The following DENND4C variants were observed in gnomAD, a reference collection of about 807,000 sequenced individuals.
The protein encoded by DENND4C is DENN domain-containing protein 4C.
DENND4C carries 108 observed loss-of-function variants against 203.0 expected under a neutral mutation model. The ratio of observed to expected loss-of-function variants is 0.53; its 90% CI spans 0.46 to 0.62. The LOEUF (loss-of-function observed/expected upper bound fraction) is 0.62, where lower values mean the gene tolerates loss of function less well. Ranked by LOEUF, DENND4C falls within the 20% of genes least tolerant of loss-of-function variation. DENND4C has a pLI of 0.00. For synonymous variants in DENND4C, 871 were observed against 792.4 expected (o/e 1.10, Z -1.67); for missense variants, 2,481 against 2,301.2 (o/e 1.08, Z -1.60).
chr9:19,282,783 T>C (rs1188879849), intron 2 of DENND4C, among the ~76,000 whole-genome samples: 4 of 147,904 alleles, frequency 2.7e-5, no homozygotes, highest in Non-Finnish European at 6.0e-5. Context: ...GTGGTATGAT[T>C]GGGGCTCACT....
Position 19,276,387 on chromosome 9 carries a change from C to T in DENND4C, c.213C>T (p.Leu71=). ...GTGTAGAAGCCACTCCATCAGCTCT[C>T]CAAGCAAACTTGAACTATGGAAGTC... ...YTCVEATPSA[L]QANLNYGSLK... is the part of the protein sequence containing the mutation. Residue 71 remains leucine, a synonymous_variant, in exon 2 of 33, where the codon CTC becomes CTT. Transcript: ENST00000434457. The T allele has an allele frequency of 8.1e-7, 1 of 1,232,076 alleles. No homozygotes were observed. Among genetic ancestry groups the T allele is most frequent in the Non-Finnish European group, 1.0e-6 (1 of 987,922 alleles). The allele number at this position is 1,232,076 out of a possible 1,614,324, so 76.3% of individuals were successfully genotyped here.
chr9:19,361,230 C>G (rs1228641753), intron 29 of DENND4C, among the ~76,000 whole-genome samples: 1 of 152,068 alleles, frequency 6.6e-6, no homozygotes, highest in African/African-American at 2.4e-5. Flanking sequence ...TTGAAAGGAC[C>G]CATATTATCC....
chr9:19,283,567 G>T (rs1156439177), intron 2 of DENND4C, among the ~76,000 whole-genome samples: 2 of 150,916 alleles, frequency 1.3e-5, no homozygotes, highest in African/African-American at 4.9e-5. Flanking sequence ...TTTAAACAGG[G>T]CAGTATGTTA....
intron 1 of DENND4C, among the ~76,000 whole-genome samples, chr9:19,237,262 G>A (rs558083982): frequency 1.2e-4 from 18 of 151,932 alleles, no homozygotes; most frequent in Non-Finnish European, 2.1e-4. Flanking sequence ...CAGGTGATCC[G>A]CCCACCTTGG....
intron 29 of DENND4C, among the ~76,000 whole-genome samples, chr9:19,361,414 C>T (rs1353449050): frequency 6.6e-6 from 1 of 152,112 alleles, no homozygotes; most frequent in African/African-American, 2.4e-5. Context: ...TCCTAGAGTG[C>T]TTTATTTTAT....
At chr9:19,340,895 G>T in intron 20 of DENND4C, 97 bp from the exon 21 acceptor site, 1 of 1,104,396 alleles carries the variant, frequency 9.1e-7, no homozygotes, top group Non-Finnish European at 1.2e-6. Context: ...TTGTCTAACC[G>T]TAATTGTGTA....
chr9:19,262,278 GGGTTTCA>G (rs1212119112), intron 1 of DENND4C, among the ~76,000 whole-genome samples: 42 of 151,448 alleles, frequency 2.8e-4, no homozygotes, highest in Admixed American at 2.4e-3. Context: ...GTAGAGATGG[GGGTTTCA>G]CCATGTTGGC....
intron 10 of DENND4C, among the ~76,000 whole-genome samples, chr9:19,306,860 A>G (rs1839784512): frequency 6.6e-6 from 1 of 151,854 alleles, no homozygotes; most frequent in Non-Finnish European, 1.5e-5. Context: ...GACTCTCTGC[A>G]GTCTCCGCCT....
intron 1 of DENND4C, among the ~76,000 whole-genome samples, chr9:19,264,538 C>G (rs911924031): frequency 6.6e-6 from 1 of 151,840 alleles, no homozygotes; most frequent in African/African-American, 2.4e-5. Context: ...AACTCCTCAC[C>G]TCAAGTGATC....
intron 2 of DENND4C, among the ~76,000 whole-genome samples, chr9:19,279,672 T>C (rs1325497576): frequency 6.6e-6 from 1 of 150,390 alleles, no homozygotes; most frequent in Admixed American, 6.6e-5. Context: ...GTGAAACTCC[T>C]TCTCAAGACA....
intron 7 of DENND4C, among the ~76,000 whole-genome samples, chr9:19,298,536 A>G (rs1046091230): frequency 6.6e-6 from 1 of 152,146 alleles, no homozygotes; most frequent in Non-Finnish European, 1.5e-5. Context: ...TTTTATTTTC[A>G]GTAAGTAGCA....
intron 1 of DENND4C, among the ~76,000 whole-genome samples, chr9:19,253,273 G>C (rs550812183): frequency 6.6e-6 from 1 of 152,314 alleles, no homozygotes; most frequent in Admixed American, 6.5e-5. Flanking sequence ...ATGGTTCCTA[G>C]TAGTAGTGGC....
At position 19,319,194 on chromosome 9, in the gene DENND4C, C is replaced by G. The variant is rs1227567952; in HGVS notation, c.1807+2355C>G. ...AAAAAAATATATGTATATATATACA[C>G]GTATATACACATATATGTATATATA... On this transcript the variant is annotated intron_variant, in intron 12 of 32. Transcript: ENST00000434457. Among the ~76,000 whole-genome samples, 3 of 145,036 alleles carry G rather than the reference C, an allele frequency of 2.1e-5. No individual in the cohort carries two copies. The Admixed American group carries it at 2.1e-4, about 10-fold the overall frequency.
intron 21 of DENND4C, among the ~76,000 whole-genome samples, chr9:19,341,344 G>C (rs1588953791): frequency 7.6e-6 from 1 of 132,198 alleles, no homozygotes; most frequent in Non-Finnish European, 1.6e-5. Context: ...GCAGGGTCTT[G>C]CTCTCTCGCC....
intron 16 of DENND4C, among the ~76,000 whole-genome samples, chr9:19,331,548 G>C (rs1055202953): frequency 2.0e-5 from 3 of 152,210 alleles, no homozygotes; most frequent in African/African-American, 7.2e-5. Context: ...AGTTAACATA[G>C]ACTGTAGCTT....
chr9:19,233,587 G>A (rs949789384), intron 1 of DENND4C, among the ~76,000 whole-genome samples: 1 of 124,546 alleles, frequency 8.0e-6, no homozygotes, highest in Admixed American at 9.8e-5. Flanking sequence ...TTGAGATGTA[G>A]TCTCGCTTCG....
intron 10 of DENND4C, among the ~76,000 whole-genome samples, chr9:19,314,127 G>A (rs1841292235): frequency 6.6e-6 from 1 of 151,848 alleles, no homozygotes; most frequent in South Asian, 2.1e-4. Context: ...TTGGGGACTT[G>A]GGGGAAAGGG....
intron 12 of DENND4C, among the ~76,000 whole-genome samples, chr9:19,323,566 A>G (rs1843243681): frequency 1.3e-5 from 2 of 152,230 alleles, no homozygotes. Context: ...CAGTGAATGA[A>G]GGAGTGTCCC....
rs1380820165 is a variant in DENND4C, at chr9:19,346,293, C to T, written c.3524C>T (p.Ser1175Phe). Reference sequence around the variant, plus strand: ...ACTTGGAATCCTGAGCACAGATCATCTCCGGTGCCAGAGATGCTTGAGGAA... The same window carrying T: ...ACTTGGAATCCTGAGCACAGATCATTTCCGGTGCCAGAGATGCTTGAGGAA... Reference protein sequence around the residue: ...ESTWNPEHRSSPVPEMLEESQ... With the variant: ...ESTWNPEHRSFPVPEMLEESQ... The change falls in exon 23 of 33, where the codon TCT (serine) becomes TTT (phenylalanine). Residue 1175 changes from serine (S) to phenylalanine (F), a missense_variant. By Grantham distance (155) the Ser-to-Phe change is radical. This residue lies in a region of DENND4C where 2,289 missense variants were observed against 2,113.3 expected (regional missense o/e 1.08). Transcript: ENST00000434457. 2.5e-5 allele frequency: 40 copies of T among 1,614,072 alleles called. No homozygotes were observed. The highest frequency in any genetic ancestry group is 3.1e-5 in the Non-Finnish European group (36 of 1,180,044).
Sources: gnomAD v4.1 joint callset for allele counts (sites outside exome capture counted in the v4.1 genomes callset) on GRCh38, gnomAD v4.1.1 for gene constraint, gnomAD v4.1.1 regional missense constraint, MANE v1.5 for transcripts, NCBI Gene and HGNC (gene_info 2026-07-23, HGNC 2026-07-21) for gene names.